SHANK2: variants seen among roughly 807,000 people sequenced by gnomAD.
SHANK2 encodes the protein SH3 and multiple ankyrin repeat domains 2.
In SHANK2, 43 loss-of-function variants were observed where a neutral mutation model predicts 133.7. That is an observed-to-expected ratio of 0.32 (90% CI 0.25 to 0.41). The LOEUF is 0.41. SHANK2 is among the 10% of genes least tolerant of loss of function. The pLI is 1.00. For synonymous variants in SHANK2, 1,017 were observed against 952.8 expected (o/e 1.07, Z -1.24); for missense variants, 1,994 against 2,235.8 (o/e 0.89, Z 2.18).
In SHANK2 at chr11:70,494,454, C is replaced by A. The variant is rs565639158; in HGVS notation, c.2309-1989G>T. Reference sequence around the variant, plus strand: ...GATTACAGGCGAGCACCACCATGCCCGGCTAATTTTTGTATTTTTAGTAGA... The same window carrying A: ...GATTACAGGCGAGCACCACCATGCCAGGCTAATTTTTGTATTTTTAGTAGA... On this transcript the variant is annotated intron_variant, in intron 21 of 25. Transcript: ENST00000601538. Among the ~76,000 whole-genome samples, 169 of 152,212 alleles carry A rather than the reference C, an allele frequency of 1.1e-3. 2 individuals are homozygous for A. The highest frequency in any genetic ancestry group is 1.5e-4 in the Non-Finnish European group (10 of 68,006).
At chr11:70,950,690 C>A (rs1950820889) in intron 10 of SHANK2, among the ~76,000 whole-genome samples, 1 of 152,134 alleles carries the variant, frequency 6.6e-6, no homozygotes, top group South Asian at 2.1e-4. Context: ...TCACTGCCAC[C>A]TTTGCCTCTC....
chr11:70,846,996 A>G (rs1396026218), intron 11 of SHANK2, among the ~76,000 whole-genome samples: 4 of 152,202 alleles, frequency 2.6e-5, no homozygotes, highest in Admixed American at 2.6e-4. Flanking sequence ...TGATCTGAGG[A>G]TGGGCAGGAC....
At chr11:71,144,414 A>T (rs56341503) in intron 3 of SHANK2, among the ~76,000 whole-genome samples, 33,448 of 152,094 alleles carry the variant, frequency 0.22, 3,942 homozygotes, top group South Asian at 0.3. Context: ...GCAGATACAG[A>T]GGACCCCGTG....
At chr11:70,876,316 C>A (rs550685242) in intron 11 of SHANK2, among the ~76,000 whole-genome samples, 14 of 146,158 alleles carry the variant, frequency 9.6e-5, no homozygotes, top group Non-Finnish European at 4.5e-5. Context: ...AATCCCAGCA[C>A]TTTGGGAGGC....
At chr11:70,708,873 TG>T (rs1945720565) in intron 14 of SHANK2, among the ~76,000 whole-genome samples, 1 of 152,210 alleles carries the variant, frequency 6.6e-6, no homozygotes. Context: ...AAAGGCCTTC[TG>T]ATGTGTGGAC....
At chr11:71,227,092 A>G (rs985608667) in intron 1 of SHANK2, among the ~76,000 whole-genome samples, 1 of 152,160 alleles carries the variant, frequency 6.6e-6, no homozygotes, top group Non-Finnish European at 1.5e-5. Context: ...CTATACAAAG[A>G]GATATACTCA....
chr11:71,230,294 A>G (rs974338878), intron 1 of SHANK2, among the ~76,000 whole-genome samples: 1 of 152,068 alleles, frequency 6.6e-6, no homozygotes, highest in Non-Finnish European at 1.5e-5. Flanking sequence ...ACTCTGCCTT[A>G]AAAAAAGCTG....
In SHANK2 at chr11:70,502,398, C is replaced by G. The variant is rs112527087; in HGVS notation, c.2198-112G>C. ...AGGTGGGTCTCAGGCTGTTTGGCTG[C>G]GGTGGTCAGGGATTGTGCAGGTGTG... On this transcript the variant is annotated intron_variant, in intron 18 of 25. Coordinates refer to ENST00000601538, the MANE Select transcript of SHANK2 (RefSeq NM_012309.5). 4 of 976,998 alleles carry G rather than the reference C, an allele frequency of 4.1e-6. No homozygotes were observed. In the South Asian group the frequency reaches 4.6e-5, roughly 11 times the overall value. 60.5% of individuals were successfully genotyped at this position (976,998 alleles called of 1,614,324 possible).
intron 12 of SHANK2, among the ~76,000 whole-genome samples, chr11:70,808,172 T>A (rs1590705642): frequency 6.6e-6 from 1 of 152,164 alleles, no homozygotes; most frequent in Non-Finnish European, 1.5e-5. Flanking sequence ...ATAAATTTGA[T>A]GTTACACCTA....
At chr11:71,145,712 C>G (rs781812427) in intron 3 of SHANK2, among the ~76,000 whole-genome samples, 2 of 152,214 alleles carry the variant, frequency 1.3e-5, no homozygotes, top group Non-Finnish European at 2.9e-5. Flanking sequence ...AGTGAGGCAC[C>G]AGCAACACTC....
At position 70,780,025 on chromosome 11, in the gene SHANK2, TGGAGCTGCCAGGCACCATCCTGAGAG is replaced by T. The variant is rs1199133624; in HGVS notation, c.1777+18392_1777+18417del. Among the ~76,000 whole-genome samples the T allele has an allele frequency of 7.9e-5, 12 of 152,312 alleles. No homozygotes were observed. The South Asian group carries it at 1.7e-3, about 21-fold the overall frequency. On this transcript the variant is annotated intron_variant, in intron 14 of 25. Coordinates refer to ENST00000601538, the MANE Select transcript of SHANK2 (RefSeq NM_012309.5). Reference sequence around the variant, plus strand: ...CTTGGACCTATAAGGACATAAGCCCTGGAGCTGCCAGGCACCATCCTGAGAGGGAGCTGCTCAAAGAATAAAGCCCC... The same window carrying T: ...CTTGGACCTATAAGGACATAAGCCCTGGAGCTGCTCAAAGAATAAAGCCCC...
intron 10 of SHANK2, among the ~76,000 whole-genome samples, chr11:70,949,738 C>T (rs1318063646): frequency 6.6e-6 from 1 of 152,202 alleles, no homozygotes; most frequent in African/African-American, 2.4e-5. Context: ...CCTCCCTGGG[C>T]CCCCGTGGCC....
intron 10 of SHANK2, among the ~76,000 whole-genome samples, chr11:70,940,832 A>G (rs1173851554): frequency 2.6e-5 from 4 of 152,186 alleles, no homozygotes; most frequent in African/African-American, 9.7e-5. Context: ...AAAGGAAAAA[A>G]TGGCTGAAAA....
chr11:71,136,746 G>A (rs778613047), intron 3 of SHANK2, among the ~76,000 whole-genome samples: 182 of 152,338 alleles, frequency 1.2e-3, no homozygotes, highest in Admixed American at 2.3e-3. Flanking sequence ...GTCGTCAGGG[G>A]CTGGAAGTGG....
chr11:71,244,396 A>G (rs1565534058), intron 1 of SHANK2, among the ~76,000 whole-genome samples: 1 of 152,260 alleles, frequency 6.6e-6, no homozygotes. Flanking sequence ...TGGCACAGCC[A>G]GCTTTCAAAC....
intron 17 of SHANK2, among the ~76,000 whole-genome samples, chr11:70,602,343 C>A (rs1554991250): frequency 6.6e-6 from 1 of 152,240 alleles, no homozygotes; most frequent in African/African-American, 2.4e-5. Flanking sequence ...CAACTCCCTG[C>A]AGAGAGGTCT....
chr11:70,948,633 G>A (rs782812053), intron 10 of SHANK2, among the ~76,000 whole-genome samples: 11 of 152,178 alleles, frequency 7.2e-5, no homozygotes, highest in Non-Finnish European at 1.0e-4. Flanking sequence ...GCAGGGCCAC[G>A]ACGCTGCAAC....
At chr11:70,822,804 A>G (rs10899568) in intron 11 of SHANK2, among the ~76,000 whole-genome samples, 456 of 11,502 alleles carry the variant, frequency 0.04, 2 homozygotes, top group Middle Eastern at 0.11. Context: ...CAGAGCTCAT[A>G]GGGGACAGAG....
At chr11:70,896,289 C>G (rs144187276) in intron 11 of SHANK2, 5 of 478,428 alleles carry the variant, frequency 1.0e-5, no homozygotes, top group African/African-American at 7.8e-5. Context: ...TTTCAGACAG[C>G]CTAACCTCTA....
Sources: allele counts gnomAD v4.1 joint callset (sites outside exome capture counted in the v4.1 genomes callset), GRCh38; gene constraint gnomAD v4.1.1; transcripts MANE v1.5; gene names NCBI Gene and HGNC (gene_info 2026-07-23, HGNC 2026-07-21).